SLC22A3: variants seen among roughly 807,000 people sequenced by gnomAD.
SLC22A3 encodes the protein solute carrier family 22 member 3.
A neutral mutation model predicts 59.1 loss-of-function variants in SLC22A3; 51 were observed. That is an observed-to-expected ratio of 0.86 (90% confidence interval 0.69 to 1.09). SLC22A3 has a LOEUF of 1.09. SLC22A3 is among the 50% of genes least tolerant of loss of function. The pLI, the probability that SLC22A3 is intolerant of heterozygous loss-of-function variation, is 0.00. For missense variants in SLC22A3, 711 were observed against 726.3 expected (o/e 0.98, Z 0.24); for synonymous variants, 325 against 292.0 (o/e 1.11, Z -1.15).
At chr6:160,370,174 T>C (rs1785349326) in intron 1 of SLC22A3, among the ~76,000 whole-genome samples, 1 of 152,252 alleles carries the variant, frequency 6.6e-6, no homozygotes, top group Non-Finnish European at 1.5e-5. Context: ...GAAGTCACAC[T>C]GCCTCATTTC....
In SLC22A3 at chr6:160,436,836, T is replaced by G; in HGVS notation, c.1032T>G (p.Thr344=). The G allele has an allele frequency of 6.2e-7, 1 of 1,613,886 alleles. No individual in the cohort carries two copies. Residue 344 remains threonine, a synonymous_variant, in exon 6 of 11, where the codon ACT becomes ACG. Transcript: ENST00000275300. The part of the protein sequence containing the change: ...SNPSFLDLVR[T]PQMRKCTLIL... ...CATCCTTTTTAGATCTGGTGAGAAC[T>G]CCCCAAATGAGGAAATGCACACTTA...
rs983484151 is a variant in SLC22A3 at position 160,452,453 on chromosome 6, C to T, written c.*1397C>T. Reference sequence around the variant, plus strand: ...TTTGAGACTACATTCACCCTTTATTCACAGTCACTTGCAGTTTTGCTTTTC... The same window carrying T: ...TTTGAGACTACATTCACCCTTTATTTACAGTCACTTGCAGTTTTGCTTTTC... On this transcript the variant is annotated 3_prime_UTR_variant, in exon 11 of 11. Transcript: ENST00000275300. 4.6e-5 allele frequency: 7 copies of T among 152,210 alleles called. No individual in the cohort carries two copies. The highest frequency in any genetic ancestry group is 1.7e-4 in the African/African-American group (7 of 41,464). The allele number at this position is 152,210 out of a possible 1,614,324, so 9.4% of individuals were successfully genotyped here.
At chr6:160,388,945 C>T (rs1013221276) in intron 1 of SLC22A3, among the ~76,000 whole-genome samples, 8 of 152,170 alleles carry the variant, frequency 5.3e-5, no homozygotes, top group African/African-American at 1.7e-4. Flanking sequence ...TGGGCAGGTA[C>T]GAGACCAGTG....
intron 1 of SLC22A3, among the ~76,000 whole-genome samples, chr6:160,360,393 G>T (rs530940043): frequency 1.8e-4 from 27 of 152,286 alleles, no homozygotes; most frequent in Admixed American, 1.1e-3. Flanking sequence ...AGGAGGTGGA[G>T]GTTGCAGTGA....
At chr6:160,405,289 T>A (rs1786967121) in intron 2 of SLC22A3, among the ~76,000 whole-genome samples, 1 of 152,126 alleles carries the variant, frequency 6.6e-6, no homozygotes, top group African/African-American at 2.4e-5. Flanking sequence ...CAGATGATAA[T>A]AAGCATATGA....
chr6:160,426,592 G>T (rs1787962258), intron 5 of SLC22A3, among the ~76,000 whole-genome samples: 1 of 152,164 alleles, frequency 6.6e-6, no homozygotes, highest in African/African-American at 2.4e-5. Context: ...TCCAGATCTT[G>T]TATTTCTTAC....
chr6:160,412,215 T>C (rs1250931784), intron 5 of SLC22A3, among the ~76,000 whole-genome samples: 1 of 151,980 alleles, frequency 6.6e-6, no homozygotes, highest in Admixed American at 6.6e-5. Context: ...ATAGAAAAAT[T>C]AGCGAGGAGT....
At chr6:160,412,973 A>G (rs1787317768) in intron 5 of SLC22A3, among the ~76,000 whole-genome samples, 1 of 152,192 alleles carries the variant, frequency 6.6e-6, no homozygotes, top group Non-Finnish European at 1.5e-5. Flanking sequence ...AGGAATATAT[A>G]AAGTGTTCTA....
intron 10 of SLC22A3, among the ~76,000 whole-genome samples, chr6:160,448,295 T>G (rs1408047838): frequency 1.3e-5 from 2 of 152,212 alleles, no homozygotes; most frequent in Admixed American, 1.3e-4. Flanking sequence ...CAAAGGTGTT[T>G]TCTCTCTGCA....
At chr6:160,393,742 A>T (rs537349737) in intron 1 of SLC22A3, among the ~76,000 whole-genome samples, 28 of 152,254 alleles carry the variant, frequency 1.8e-4, no homozygotes, top group African/African-American at 6.7e-4. Flanking sequence ...ATGGGAGATT[A>T]TTTGTTGCTC....
chr6:160,447,589 G>A lies in SLC22A3; in HGVS notation c.1511-130G>A, dbSNP rs908940150. 1.3e-5 allele frequency: 10 copies of A among 768,050 alleles called. No homozygotes were observed. In the African/African-American group the frequency reaches 1.7e-4, roughly 13 times the overall value. The allele number at this position is 768,050 out of a possible 1,614,324, so 47.6% of individuals were successfully genotyped here. On this transcript the variant is annotated intron_variant, in intron 9 of 10. Transcript: ENST00000275300. Reference sequence around the variant, plus strand: ...AAGGGAGAGCTGGGGCATTGATCTGGGATGCAGAGGTTGCTGTGGTTGAGA... The same window carrying A: ...AAGGGAGAGCTGGGGCATTGATCTGAGATGCAGAGGTTGCTGTGGTTGAGA...
intron 5 of SLC22A3, among the ~76,000 whole-genome samples, chr6:160,419,658 G>C (rs2114879279): frequency 6.6e-6 from 1 of 152,320 alleles, no homozygotes; most frequent in East Asian, 1.9e-4. Flanking sequence ...ACTTTCTCCT[G>C]ACAGGGCTGT....
At position 160,380,848 on chromosome 6, in the gene SLC22A3, C is replaced by T. The variant is rs140704484; in HGVS notation, c.430-17131C>T. Among the ~76,000 whole-genome samples, 309 of 152,212 alleles carry T rather than the reference C, an allele frequency of 2.0e-3. 3 individuals are homozygous for T. In the Middle Eastern group the frequency reaches 0.02, roughly 10 times the overall value. On this transcript the variant is annotated intron_variant, in intron 1 of 10. Transcript: ENST00000275300. ...TTCATTTTAGAGATTAAAAATACAA[C>T]GGCATTGGGACTTTTCTAGAAAATT...
chr6:160,449,217 T>A (rs966896518), intron 10 of SLC22A3, among the ~76,000 whole-genome samples: 1 of 152,106 alleles, frequency 6.6e-6, no homozygotes, highest in Non-Finnish European at 1.5e-5. Flanking sequence ...GGTTTTTTTG[T>A]TTTTGTTTTT....
At chr6:160,444,316 G>A (rs548679348) in intron 9 of SLC22A3, among the ~76,000 whole-genome samples, 6 of 152,268 alleles carry the variant, frequency 3.9e-5, no homozygotes, top group African/African-American at 1.4e-4. Context: ...TCACGCCATT[G>A]CACTCCAGCC....
chr6:160,440,595 T>C (rs1427989043), intron 7 of SLC22A3, among the ~76,000 whole-genome samples: 1 of 152,230 alleles, frequency 6.6e-6, no homozygotes, highest in African/African-American at 2.4e-5. Context: ...GTTTTTGTCA[T>C]TGCTACCAAA....
At chr6:160,395,603 C>G (rs763348391) in intron 1 of SLC22A3, among the ~76,000 whole-genome samples, 1 of 152,176 alleles carries the variant, frequency 6.6e-6, no homozygotes, top group Non-Finnish European at 1.5e-5. Flanking sequence ...AAATAATCAT[C>G]AACTTGTTTA....
intron 1 of SLC22A3, among the ~76,000 whole-genome samples, chr6:160,364,245 C>T (rs1039403844): frequency 1.3e-5 from 2 of 152,156 alleles, no homozygotes; most frequent in Non-Finnish European, 2.9e-5. Context: ...TTTGTACACT[C>T]CATGTGGTAG....
intron 5 of SLC22A3, among the ~76,000 whole-genome samples, chr6:160,432,465 G>A (rs375548612): frequency 4.4e-5 from 6 of 136,992 alleles, no homozygotes; most frequent in Admixed American, 2.4e-4. Context: ...GAGTCTCCCC[G>A]ACACCCAGGC....
Sources: gnomAD v4.1 joint callset for allele counts (sites outside exome capture counted in the v4.1 genomes callset) on GRCh38, gnomAD v4.1.1 for gene constraint, MANE v1.5 for transcripts, NCBI Gene and HGNC (gene_info 2026-07-23, HGNC 2026-07-21) for gene names.